The following PCDH15 variants were observed in gnomAD, a reference collection of about 807,000 sequenced individuals.
PCDH15 encodes the protein protocadherin-15.
Under a neutral mutation model 178.5 loss-of-function variants are expected in PCDH15, and 129 were observed. The observed-to-expected ratio is 0.72, with a 90% CI of 0.63 to 0.84. The LOEUF (loss-of-function observed/expected upper bound fraction) is 0.84. Among genes scored for constraint, PCDH15 ranks in the 40% least tolerant of loss-of-function variants. The pLI is 0.00. For missense variants in PCDH15, 2,230 were observed against 2,099.9 expected, an observed-to-expected ratio of 1.06 and a Z score of -1.21; for synonymous variants, 800 against 732.0, an observed-to-expected ratio of 1.09 and a Z score of -1.50.
intron 2 of PCDH15, among the ~76,000 whole-genome samples, chr10:55,074,166 T>G (rs1194132555): frequency 1.3e-5 from 2 of 152,208 alleles, no homozygotes; most frequent in Admixed American, 6.5e-5. Context: ...AATGTTGCAG[T>G]GAACATACAC....
chr10:55,233,850 T>C (rs1047968854), intron 1 of PCDH15, among the ~76,000 whole-genome samples: 1 of 152,056 alleles, frequency 6.6e-6, no homozygotes, highest in Non-Finnish European at 1.5e-5. Context: ...CAACCATTAA[T>C]AAATAAGATA....
At chr10:55,555,555 A>T (rs2132092456) in intron 2 of PCDH15, among the ~76,000 whole-genome samples, 1 of 152,220 alleles carries the variant, frequency 6.6e-6, no homozygotes, top group Admixed American at 6.5e-5. Context: ...CCTCTTCTCA[A>T]TTTTTGACTT....
At chr10:55,456,313 G>A (rs1839552352) in intron 2 of PCDH15, among the ~76,000 whole-genome samples, 1 of 152,056 alleles carries the variant, frequency 6.6e-6, no homozygotes, top group African/African-American at 2.4e-5. Flanking sequence ...GGACTGGAGA[G>A]GCGAGCAAGA....
intron 6 of PCDH15, among the ~76,000 whole-genome samples, chr10:54,344,891 T>A (rs1588941763): frequency 1.6e-5 from 1 of 63,360 alleles, no homozygotes; most frequent in African/African-American, 6.7e-5. Context: ...AGTCCTCTTT[T>A]AGAGAAACAA....
chr10:53,981,049 T>C (rs769511332), intron 21 of PCDH15, among the ~76,000 whole-genome samples: 17 of 152,220 alleles, frequency 1.1e-4, no homozygotes, highest in Non-Finnish European at 4.4e-5. Context: ...CTCATATCTG[T>C]ATTAACATGA....
At chr10:53,971,778 G>T in intron 21 of PCDH15, among the ~76,000 whole-genome samples, 1 of 152,084 alleles carries the variant, frequency 6.6e-6, no homozygotes, top group Non-Finnish European at 1.5e-5. Flanking sequence ...ACGGCTCAAG[G>T]AAATAAAAGA....
intron 15 of PCDH15, among the ~76,000 whole-genome samples, chr10:54,102,402 A>G (rs565166515): frequency 6.6e-6 from 1 of 152,338 alleles, no homozygotes; most frequent in East Asian, 1.9e-4. Flanking sequence ...GAGATGTGTT[A>G]ATTTGCTCAA....
At chr10:54,904,374 T>C (rs1954686345) in intron 2 of PCDH15, among the ~76,000 whole-genome samples, 1 of 152,020 alleles carries the variant, frequency 6.6e-6, no homozygotes, top group African/African-American at 2.4e-5. Flanking sequence ...AGAGACTATC[T>C]AGTTACAATT....
intron 18 of PCDH15, among the ~76,000 whole-genome samples, chr10:54,028,556 A>T (rs2135393741): frequency 6.6e-6 from 1 of 151,366 alleles, no homozygotes; most frequent in African/African-American, 2.4e-5. Context: ...CAACAATGAT[A>T]GACTGGATTA....
intron 2 of PCDH15, among the ~76,000 whole-genome samples, chr10:55,446,590 T>C (rs1371878676): frequency 6.6e-6 from 1 of 152,084 alleles, no homozygotes; most frequent in African/African-American, 2.4e-5. Flanking sequence ...TTGGTCTCAA[T>C]TGTTGAGCCT....
At chr10:54,193,671 C>T (rs755630103) in intron 11 of PCDH15, among the ~76,000 whole-genome samples, 4 of 152,128 alleles carry the variant, frequency 2.6e-5, no homozygotes, top group Non-Finnish European at 4.4e-5. Context: ...ATTCTCTTGA[C>T]TGGCATATGA....
At chr10:54,323,992 T>C (rs192301637) in intron 7 of PCDH15, among the ~76,000 whole-genome samples, 6 of 152,282 alleles carry the variant, frequency 3.9e-5, no homozygotes, top group Admixed American at 1.3e-4. Flanking sequence ...AATGCTCATG[T>C]ATCTTTAGTA....
At chr10:55,303,116 C>T (rs114239578) in intron 1 of PCDH15, among the ~76,000 whole-genome samples, 1,548 of 151,780 alleles carry the variant, frequency 0.01, 29 homozygotes, top group African/African-American at 0.035. Context: ...CACACACACA[C>T]GGAAATGTTT....
intron 26 of PCDH15, among the ~76,000 whole-genome samples, chr10:53,879,947 T>C (rs910357453): frequency 1.3e-5 from 2 of 152,226 alleles, no homozygotes; most frequent in Non-Finnish European, 2.9e-5. Flanking sequence ...CCATCGCGGC[T>C]AGCCGTAACT....
chr10:54,787,498 T>C (rs1256847744), intron 1 of PCDH15, among the ~76,000 whole-genome samples: 1 of 151,988 alleles, frequency 6.6e-6, no homozygotes, highest in African/African-American at 2.4e-5. Flanking sequence ...TACTGCAATG[T>C]TTCTCACTTC....
chr10:54,412,263 T>C (rs928876166), intron 3 of PCDH15, among the ~76,000 whole-genome samples: 1 of 149,248 alleles, frequency 6.7e-6, no homozygotes, highest in African/African-American at 2.4e-5. Context: ...TATTTTAATA[T>C]ATATTTAAAA....
intron 2 of PCDH15, among the ~76,000 whole-genome samples, chr10:54,602,762 T>A (rs537385192): frequency 6.6e-6 from 1 of 152,142 alleles, no homozygotes; most frequent in South Asian, 2.1e-4. Flanking sequence ...ATGTAGTGTA[T>A]CACATTGAAT....
intron 21 of PCDH15, among the ~76,000 whole-genome samples, chr10:53,992,436 A>G (rs1332749391): frequency 6.6e-6 from 1 of 152,200 alleles, no homozygotes; most frequent in East Asian, 1.9e-4. Context: ...AGAACCTTAT[A>G]AATTCCTAAA....
Position 54,729,967 on chromosome 10 carries a change from G to A in PCDH15, c.-28-65677C>T, listed in dbSNP as rs532501545. 7.3e-5 allele frequency among the ~76,000 whole-genome samples: 11 copies of A among 151,434 alleles called. No individual in the cohort carries two copies. In the South Asian group the frequency reaches 1.0e-3, roughly 14 times the overall value. On this transcript the variant is annotated intron_variant, in intron 1 of 37. Coordinates refer to ENST00000644397, the MANE Select transcript of PCDH15 (RefSeq NM_001384140.1). Reference sequence around the variant, plus strand: ...CGCTGGTAGGAGTGCAAATTTGTTCGGCCACTGTGGAAATCAGTTTGGAGA... The same window carrying A: ...CGCTGGTAGGAGTGCAAATTTGTTCAGCCACTGTGGAAATCAGTTTGGAGA...
Sources: gnomAD v4.1 joint callset for allele counts (sites outside exome capture counted in the v4.1 genomes callset) on GRCh38, gnomAD v4.1.1 for gene constraint, MANE v1.5 for transcripts, NCBI Gene and HGNC (gene_info 2026-07-23, HGNC 2026-07-21) for gene names.